The following ERCC6L variants were observed in gnomAD, a reference collection of about 807,000 sequenced individuals.
ERCC6L encodes DNA excision repair protein ERCC-6-like.
In ERCC6L, 7 loss-of-function variants were observed where a neutral mutation model predicts 20.1. The ratio of observed to expected loss-of-function variants is 0.35; its 90% CI spans 0.20 to 0.65. The LOEUF (loss-of-function observed/expected upper bound fraction) is 0.65, where lower values mean the gene tolerates loss of function less well. ERCC6L is among the 30% of genes least tolerant of loss of function. The probability of loss-of-function intolerance (pLI) is 0.69; values close to 1 mark genes in which losing one functional copy is unlikely to be tolerated. For missense variants in ERCC6L, 592 were observed against 892.4 expected (o/e 0.66, Z 4.29); for synonymous variants, 278 against 331.3 (o/e 0.84, Z 1.75).
intron 1 of ERCC6L, among the ~76,000 whole-genome samples, chrX:72,209,263 C>T (rs1381956543): frequency 9.0e-6 from 1 of 111,573 alleles, no homozygotes; most frequent in African/African-American, 3.3e-5. Context: ...AGAGCTTCCG[C>T]TCCCACCTAT....
intron 1 of ERCC6L, among the ~76,000 whole-genome samples, chrX:72,232,653 A>G (rs1385766552): frequency 9.0e-6 from 1 of 111,275 alleles, no homozygotes; most frequent in Non-Finnish European, 1.9e-5. Context: ...TACTAAAAAC[A>G]CAAAAAATTA....
Position 72,238,948 on chromosome X carries a change from T to TTTGGAGC in ERCC6L, c.-44_-38dup, listed in dbSNP as rs749542997. ...TGGGTTCCAGTTACCCCGGCGGGAGTTTGGAGCTTGGAGCTTGGAGCTTGG... is the reference window on the plus strand; with the variant it reads ...TGGGTTCCAGTTACCCCGGCGGGAGTTTGGAGCTTGGAGCTTGGAGCTTGGAGCTTGG... On this transcript the variant is annotated 5_prime_UTR_variant, in exon 1 of 2. The change creates a premature stop within an existing upstream ORF in the 5' untranslated region. Coordinates refer to ENST00000334463, the MANE Select transcript of ERCC6L (RefSeq NM_017669.4). 8,432 of 1,113,234 alleles carry TTTGGAGC rather than the reference T, an allele frequency of 7.6e-3. 102 individuals are homozygous for TTTGGAGC. The highest frequency in any genetic ancestry group is 0.028 in the African/African-American group (1,511 of 54,923). 91.7% of individuals were successfully genotyped at this position (1,113,234 alleles called of 1,213,427 possible). A position where few individuals can be genotyped will look rare whatever the true frequency, so the allele number is the denominator to read the frequency against.
rs184791951 is a variant in ERCC6L, at chrX:72,217,727, A to T, written c.69-9029T>A. 8.3e-3 allele frequency among the ~76,000 whole-genome samples: 916 copies of T among 109,855 alleles called. 5 individuals carry two copies. The highest frequency in any genetic ancestry group is 0.012 in the Non-Finnish European group (606 of 52,332). On this transcript the variant is annotated intron_variant, in intron 1 of 1. Coordinates refer to ENST00000334463, the MANE Select transcript of ERCC6L (RefSeq NM_017669.4). ...AAGCTTACTGAGCAGAAAAAAAAAT[A>T]AAAAAAAACACAAAAAGAACAAAAT...
chrX:72,206,883 A>G lies in ERCC6L; in HGVS notation c.1884T>C (p.Phe628=), dbSNP rs112298003. 8 of 1,211,692 alleles carry G rather than the reference A, an allele frequency of 6.6e-6. No individual in the cohort carries two copies. Among genetic ancestry groups the G allele is most frequent in the African/African-American group, 3.5e-5 (2 of 57,892 alleles). Residue 628 remains phenylalanine, a synonymous_variant, in exon 2 of 2, where the codon TTT becomes TTC. Transcript: ENST00000334463. ...CAGAGTTCTGAAGATCCTCGATTGTAAAGAGCTCTCTTAATTCTTGTTTAC... is the reference window on the plus strand; with the variant it reads ...CAGAGTTCTGAAGATCCTCGATTGTGAAGAGCTCTCTTAATTCTTGTTTAC... ...YFSKQELREL[F]TIEDLQNSVT...
intron 1 of ERCC6L, among the ~76,000 whole-genome samples, chrX:72,213,955 A>G (rs1234722046): frequency 8.9e-6 from 1 of 112,497 alleles, no homozygotes; most frequent in African/African-American, 3.2e-5. Flanking sequence ...CTCCTGGAGT[A>G]TCTGCTCCCT....
intron 1 of ERCC6L, among the ~76,000 whole-genome samples, chrX:72,220,155 G>A (rs1185478848): frequency 9.1e-6 from 1 of 110,377 alleles, no homozygotes; most frequent in Non-Finnish European, 1.9e-5. Flanking sequence ...TTTTAGGCAT[G>A]TTAAATCTGA....
Position 72,205,793 on chromosome X carries a change from A to C in ERCC6L, c.2974T>G (p.Phe992Val). ...CGSAPNSRAG[F>V]VHSKTCLSWE... ...CTGAGACATGTTTTGCTATGCACAA[A>C]CCCTGCTCTGGAATTAGGTGCAGAG... is the stretch of plus-strand genomic sequence containing the variant. Residue 992 changes from phenylalanine (F) to valine (V), a missense_variant, in exon 2 of 2, where the codon TTT becomes GTT. Transcript: ENST00000334463. 1 of 1,211,203 alleles carries C rather than the reference A, an allele frequency of 8.3e-7. No homozygotes were observed. Among genetic ancestry groups the C allele is most frequent in the African/African-American group, 1.7e-5 (1 of 57,664 alleles).
At chrX:72,217,780 T>G (rs188343578) in intron 1 of ERCC6L, among the ~76,000 whole-genome samples, 2 of 111,166 alleles carry the variant, frequency 1.8e-5, no homozygotes, top group East Asian at 5.7e-4. Flanking sequence ...TCCCTACACA[T>G]AAGCAAGTGC....
intron 1 of ERCC6L, among the ~76,000 whole-genome samples, chrX:72,214,909 C>T (rs953159461): frequency 1.8e-5 from 2 of 110,243 alleles, no homozygotes; most frequent in East Asian, 2.9e-4. Flanking sequence ...ATCGCTTGAA[C>T]TCAGGAGATG....
chrX:72,215,777 G>A (rs188102904), intron 1 of ERCC6L, among the ~76,000 whole-genome samples: 1 of 110,738 alleles, frequency 9.0e-6, no homozygotes, highest in East Asian at 2.9e-4. Context: ...TATCTTTCTG[G>A]ACCTTTCTGC....
chrX:72,229,944 G>A (rs2042974012), intron 1 of ERCC6L, among the ~76,000 whole-genome samples: 1 of 111,404 alleles, frequency 9.0e-6, no homozygotes, highest in Admixed American at 9.6e-5. Flanking sequence ...TGTAATCCCA[G>A]CACTTTGGGA....
chrX:72,218,927 T>A (rs1187501534), intron 1 of ERCC6L, among the ~76,000 whole-genome samples: 2 of 112,939 alleles, frequency 1.8e-5, no homozygotes, highest in Non-Finnish European at 3.7e-5. Flanking sequence ...CGTATAAATT[T>A]ACTCCTAAGC....
In ERCC6L at chrX:72,205,844, C is replaced by T. The variant is rs989591724; in HGVS notation, c.2923G>A (p.Val975Ile). The T allele has an allele frequency of 8.3e-7, 1 of 1,211,889 alleles. No homozygotes were observed. Among genetic ancestry groups the T allele is most frequent in the Non-Finnish European group, 1.1e-6 (1 of 895,567 alleles). ...CCACACAAGCTATTTTCTTTCTCAACATGCTCTAAAGACTGACTGGAAAAA... is the reference window on the plus strand; with the variant it reads ...CCACACAAGCTATTTTCTTTCTCAATATGCTCTAAAGACTGACTGGAAAAA... ...QNFSSQSLEH[V>I]EKENSLCGSA... Residue 975 changes from valine (V) to isoleucine (I), a missense_variant, in exon 2 of 2, where the codon GTT becomes ATT. Coordinates refer to ENST00000334463, the MANE Select transcript of ERCC6L (RefSeq NM_017669.4).
At chrX:72,213,433 G>A (rs766991616) in intron 1 of ERCC6L, among the ~76,000 whole-genome samples, 9 of 111,627 alleles carry the variant, frequency 8.1e-5, no homozygotes, top group Non-Finnish European at 1.7e-4. Context: ...AACCTCGTCT[G>A]GGTCCCTCCC....
chrX:72,232,513 A>G (rs2042990745), intron 1 of ERCC6L, among the ~76,000 whole-genome samples: 1 of 109,984 alleles, frequency 9.1e-6, no homozygotes. Flanking sequence ...GAAACTAGAA[A>G]ATCACGACTT....
chrX:72,238,994 G>C lies in ERCC6L; in HGVS notation c.-83C>G. 3.1e-6 allele frequency: 3 copies of C among 978,548 alleles called. No individual in the cohort carries two copies. The highest frequency in any genetic ancestry group is 4.3e-6 in the Non-Finnish European group (3 of 705,778). 80.6% of individuals were successfully genotyped at this position (978,548 alleles called of 1,213,427 possible). On this transcript the variant is annotated 5_prime_UTR_variant, in exon 1 of 2. Coordinates refer to ENST00000334463, the MANE Select transcript of ERCC6L (RefSeq NM_017669.4). ...CTTGGAGCTTGGAGCTTAGAGTTTGGAGCTTGAATTTCGCTCACTCCCGCC... is the reference window on the plus strand; with the variant it reads ...CTTGGAGCTTGGAGCTTAGAGTTTGCAGCTTGAATTTCGCTCACTCCCGCC...
chrX:72,227,409 C>T (rs768577050), intron 1 of ERCC6L, among the ~76,000 whole-genome samples: 39 of 111,986 alleles, frequency 3.5e-4, no homozygotes, highest in African/African-American at 1.2e-3. Context: ...CAGGTACTCA[C>T]TCCAAACTCT....
At chrX:72,228,145 CTG>C (rs2042963901) in intron 1 of ERCC6L, among the ~76,000 whole-genome samples, 1 of 112,378 alleles carries the variant, frequency 8.9e-6, no homozygotes, top group Admixed American at 9.5e-5. Flanking sequence ...CCAATGGAAA[CTG>C]GACACAGCAG....
intron 1 of ERCC6L, among the ~76,000 whole-genome samples, chrX:72,231,282 CT>C (rs1240501913): frequency 9.0e-6 from 1 of 111,727 alleles, no homozygotes; most frequent in Non-Finnish European, 1.9e-5. Context: ...ATGAATGAAC[CT>C]AAAAGACATT....
Sources: gnomAD v4.1 joint callset for allele counts (sites outside exome capture counted in the v4.1 genomes callset) on GRCh38, gnomAD v4.1.1 for gene constraint, MANE v1.5 for transcripts, NCBI Gene and HGNC (gene_info 2026-07-23, HGNC 2026-07-21) for gene names.